Variants in HECTD4 observed in about 807,000 individuals in gnomAD.
HECTD4 encodes the protein probable E3 ubiquitin-protein ligase HECTD4.
Under a neutral mutation model 471.5 loss-of-function variants are expected in HECTD4, and 114 were observed. The ratio of observed to expected loss-of-function variants is 0.24; its 90% confidence interval spans 0.21 to 0.28. The LOEUF (loss-of-function observed/expected upper bound fraction) is 0.28. Among genes scored for constraint, HECTD4 ranks in the 10% least tolerant of loss-of-function variants. HECTD4 has a pLI of 1.00. For synonymous variants in HECTD4, 2,012 were observed against 2,256.0 expected, an observed-to-expected ratio of 0.89 and a Z score of 3.07; for missense variants, 3,866 against 5,651.5, an observed-to-expected ratio of 0.68 and a Z score of 10.13.
intron 62 of HECTD4, among the ~76,000 whole-genome samples, chr12:112,182,245 T>C (rs886880511): frequency 5.3e-5 from 8 of 151,960 alleles, no homozygotes; most frequent in Admixed American, 1.3e-4. Flanking sequence ...GCTGGAGGAC[T>C]GCTTGAGCCT....
intron 1 of HECTD4, among the ~76,000 whole-genome samples, chr12:112,366,118 AAAATTTTATT>A (rs1227217513): frequency 6.6e-6 from 1 of 152,112 alleles, no homozygotes; most frequent in African/African-American, 2.4e-5. Context: ...CAATACTAAC[AAAATTTTATT>A]AAATTTTATT....
chr12:112,336,535 A>T (rs1268747228), intron 1 of HECTD4, among the ~76,000 whole-genome samples: 1 of 151,932 alleles, frequency 6.6e-6, no homozygotes, highest in African/African-American at 2.4e-5. Flanking sequence ...AAAAAAAAAA[A>T]TTCGCACAAT....
At chr12:112,305,011 T>C (rs2035245933) in intron 7 of HECTD4, among the ~76,000 whole-genome samples, 1 of 152,204 alleles carries the variant, frequency 6.6e-6, no homozygotes, top group Admixed American at 6.5e-5. Context: ...AAAGGTTTTG[T>C]CACAGACCTG....
chr12:112,163,687 C>A lies in HECTD4; in HGVS notation c.12752G>T (p.Arg4251Leu). The A allele has an allele frequency of 6.6e-7, 1 of 1,519,116 alleles. No homozygotes were observed. The highest frequency in any genetic ancestry group is 8.8e-7 in the Non-Finnish European group (1 of 1,133,132). The allele number at this position is 1,519,116 out of a possible 1,614,324, so 94.1% of individuals were successfully genotyped here. A position where few individuals can be genotyped will look rare whatever the true frequency, so the allele number is the denominator to read the frequency against. ...YAAAIRSLRL[R>L]ELQNVECVTA... ...CACGCACTCCACATTCTGCAGCTCC[C>A]GCAGCCGCAGGCTCCGGATGGCTGC... is the stretch of plus-strand genomic sequence containing the variant. The change falls in exon 74 of 76, where the codon CGG becomes CTG. Residue 4251 changes from arginine to leucine, a missense_variant. By Grantham distance (102) the Arg-to-Leu change is moderately radical. This residue lies in a region of HECTD4 where 715 missense variants were observed against 1,087.6 expected (regional missense o/e 0.66). Coordinates refer to ENST00000682272, the MANE Select transcript of HECTD4 (RefSeq NM_001388303.1). The surrounding 1 kb of genome is among the most constrained non-coding windows in gnomAD (Gnocchi z 8.2).
chr12:112,217,056 G>T lies in HECTD4; in HGVS notation c.7214C>A (p.Ala2405Asp). The T allele has an allele frequency of 6.3e-7, 1 of 1,583,068 alleles. No individual in the cohort carries two copies. Among genetic ancestry groups the T allele is most frequent in the Non-Finnish European group, 8.6e-7 (1 of 1,162,862 alleles). ...CACCTGAACTGGCAGTGGTGAAGTG[G>T]CATAGATAAAAGTGCCCCGGGGCAG... is the stretch of plus-strand genomic sequence containing the variant. ...GGLPRGTFIYATSPLPVQAPS... is the reference protein window; with the variant it reads ...GGLPRGTFIYDTSPLPVQAPS... Residue 2405 changes from alanine to aspartate, a missense_variant, in exon 46 of 76, where the codon GCC (alanine) becomes GAC (aspartate). Ala to Asp is a moderately radical substitution (Grantham distance 126). Transcript: ENST00000682272.
chr12:112,325,724 G>T (rs77468840), intron 1 of HECTD4, among the ~76,000 whole-genome samples: 1 of 151,862 alleles, frequency 6.6e-6, no homozygotes, highest in Non-Finnish European at 1.5e-5. Context: ...TAATGCTAAC[G>T]TTACCCTAAT....
At chr12:112,379,012 A>G (rs1263715474) in intron 1 of HECTD4, among the ~76,000 whole-genome samples, 1 of 152,180 alleles carries the variant, frequency 6.6e-6, no homozygotes, top group East Asian at 1.9e-4. Context: ...ACTGCACTCC[A>G]GCCTGGGCGA....
In HECTD4 at chr12:112,253,827, C is replaced by T. The variant is rs568631039; in HGVS notation, c.3447+216G>A. On this transcript the variant is annotated intron_variant, in intron 22 of 75. Transcript: ENST00000682272. ...GTGACAACTTCTATGCATGGAGTAA[C>T]TTGTGAAAGGGAGTGAACAGGGGTC... is the stretch of plus-strand genomic sequence containing the variant. Among the ~76,000 whole-genome samples the T allele has an allele frequency of 3.3e-5, 5 of 152,292 alleles. No homozygotes were observed. The South Asian group carries it at 1.0e-3, about 32-fold the overall frequency.
In HECTD4 at chr12:112,247,066, G is replaced by A; in HGVS notation, c.4348C>T (p.Leu1450=). 1 of 1,604,010 alleles carries A rather than the reference G, an allele frequency of 6.2e-7. No individual in the cohort carries two copies. Among genetic ancestry groups the A allele is most frequent in the Non-Finnish European group, 8.5e-7 (1 of 1,175,302 alleles). Residue 1450 remains leucine, a synonymous_variant, in exon 29 of 76, where the codon CTA becomes TTA. Transcript: ENST00000682272. The part of the protein sequence containing the change: ...NMVLSLREKF[L]QEVNSLIQKP... ...TGAATAAGAGAATTCACTTCTTGTA[G>A]GAACTTCTCCCTATAAAGAAAGACT... is the stretch of plus-strand genomic sequence containing the variant.
rs1353142339 is a variant in HECTD4, at chr12:112,239,266, A to G, written c.5106-30T>C. ...CAAAGGGTCATGGATTACACTAGAT[A>G]AACGTAACTGACCGACACTCAGGAA... On this transcript the variant is annotated intron_variant, in intron 33 of 75. Transcript: ENST00000682272. This position sits in a 1 kb window ranked among gnomAD's most constrained non-coding sequence, Gnocchi z 4.9. 6.4e-7 allele frequency: 1 copy of G among 1,564,822 alleles called. No individual in the cohort carries two copies. Among genetic ancestry groups the G allele is most frequent in the African/African-American group, 1.4e-5 (1 of 73,278 alleles).
At chr12:112,311,128 G>C (rs542458064) in intron 4 of HECTD4, among the ~76,000 whole-genome samples, 1 of 152,130 alleles carries the variant, frequency 6.6e-6, no homozygotes, top group Non-Finnish European at 1.5e-5. Flanking sequence ...CGGGCATGGT[G>C]GTGGGCACTT....
chr12:112,345,517 T>G (rs1053887071), intron 1 of HECTD4, among the ~76,000 whole-genome samples: 1 of 152,194 alleles, frequency 6.6e-6, no homozygotes, highest in Non-Finnish European at 1.5e-5. Flanking sequence ...ATTATGGCAT[T>G]TGTTACAGAG....
At position 112,319,265 on chromosome 12, in the gene HECTD4, C is replaced by G; in HGVS notation, c.655G>C (p.Glu219Gln). The part of the protein sequence containing the change: ...TGRHIPHKQK[E>Q]NAAAALVALA... Reference sequence around the variant, plus strand: ...GCCACCAGGGCAGCAGCAGCATTTTCTTTTTGCTTATGTGGGATGTGTCGG... The same window carrying G: ...GCCACCAGGGCAGCAGCAGCATTTTGTTTTTGCTTATGTGGGATGTGTCGG... Residue 219 changes from glutamate to glutamine, a missense_variant, in exon 2 of 76, where the codon GAA (glutamate) becomes CAA (glutamine). Glu to Gln is a conservative substitution (Grantham distance 29). Around this residue, in one of 16 missense-constraint regions of HECTD4, gnomAD observed 440 missense variants for 636.0 expected, o/e 0.69. Transcript: ENST00000682272. This position sits in a 1 kb window ranked among gnomAD's most constrained non-coding sequence, Gnocchi z 5.3. 2 of 1,536,152 alleles carry G rather than the reference C, an allele frequency of 1.3e-6. No individual in the cohort carries two copies. Among genetic ancestry groups the G allele is most frequent in the Non-Finnish European group, 1.7e-6 (2 of 1,146,898 alleles).
intron 72 of HECTD4, among the ~76,000 whole-genome samples, chr12:112,165,556 T>G (rs2030913600): frequency 6.6e-6 from 1 of 151,922 alleles, no homozygotes; most frequent in Non-Finnish European, 1.5e-5. Flanking sequence ...TTTCACTGTG[T>G]TAGCCAGGAT....
At position 112,229,719 on chromosome 12, in the gene HECTD4, G is replaced by T. The variant is rs1185365824; in HGVS notation, c.6498C>A (p.Ile2166=). Residue 2166 remains isoleucine (I), a synonymous_variant, in exon 41 of 76, where the codon ATC becomes ATA. Transcript: ENST00000682272. ...GTACCTGAACCTCGGATCCTATCTT[G>T]ATTGTCTCTTTGAAGCCTCCAAGTG... ...LCALGGFKET[I]KIGSEVQVLG... 6.2e-7 allele frequency: 1 copy of T among 1,613,640 alleles called. No homozygotes were observed. Among genetic ancestry groups the T allele is most frequent in the African/African-American group, 1.3e-5 (1 of 75,040 alleles).
In HECTD4 at chr12:112,263,724, TACACAC is replaced by T. The variant is rs367597011; in HGVS notation, c.2748+354_2748+359del. 1.6e-3 allele frequency among the ~76,000 whole-genome samples: 201 copies of T among 125,114 alleles called. 1 individual carries two copies. Among genetic ancestry groups the T allele is most frequent in the African/African-American group, 4.5e-3 (163 of 36,122 alleles). The allele number at this position is 125,114 out of a possible 152,430, so 82.1% of individuals were successfully genotyped here. ...CAAGATTTTTATATATATATATATA[TACACAC>T]ACACACACACACACACACACATACA... On this transcript the variant is annotated intron_variant, in intron 17 of 75. Coordinates refer to ENST00000682272, the MANE Select transcript of HECTD4 (RefSeq NM_001388303.1).
At chr12:112,341,626 A>G (rs1388666959) in intron 1 of HECTD4, among the ~76,000 whole-genome samples, 1 of 152,142 alleles carries the variant, frequency 6.6e-6, no homozygotes, top group East Asian at 1.9e-4. Flanking sequence ...AAAAGACTCC[A>G]CTTTAGAATT....
At chr12:112,336,388 T>C (rs1177698163) in intron 1 of HECTD4, among the ~76,000 whole-genome samples, 1 of 151,954 alleles carries the variant, frequency 6.6e-6, no homozygotes, top group Non-Finnish European at 1.5e-5. Flanking sequence ...CTGGGCATGG[T>C]GGCAGGCACC....
intron 1 of HECTD4, among the ~76,000 whole-genome samples, chr12:112,367,333 A>AGAAAGAAAGAAAGAAAGAAAGAAG (rs1468212760): frequency 1.3e-5 from 2 of 151,458 alleles, no homozygotes; most frequent in African/African-American, 4.9e-5. Flanking sequence ...AAAGAAAGAA[A>AGAAAGAAAGAAAGAAAGAAAGAAG]GAAAGAAAGA....
Sources: gnomAD v4.1 joint callset for allele counts (sites outside exome capture counted in the v4.1 genomes callset) on GRCh38, gnomAD v4.1.1 for gene constraint, gnomAD v4.1.1 regional missense constraint, Gnocchi (gnomAD v3.1) non-coding constraint, MANE v1.5 for transcripts, NCBI Gene and HGNC (gene_info 2026-07-23, HGNC 2026-07-21) for gene names.